The following GRIK1 variants were observed in gnomAD, a reference collection of about 807,000 sequenced individuals.
GRIK1 encodes glutamate receptor ionotropic, kainate 1.
Under a neutral mutation model 105.7 loss-of-function variants are expected in GRIK1, and 69 were observed. The ratio of observed to expected loss-of-function variants is 0.65; its 90% CI spans 0.54 to 0.80. The LOEUF is 0.80. Among genes scored for constraint, GRIK1 ranks in the 30% least tolerant of loss-of-function variants. The pLI is 0.00. For synonymous variants in GRIK1, 438 were observed against 431.3 expected, an observed-to-expected ratio of 1.02 and a Z score of -0.19; for missense variants, 1,109 against 1,167.3, an observed-to-expected ratio of 0.95 and a Z score of 0.73.
chr21:29,788,782 T>C (rs760810981), intron 1 of GRIK1, among the ~76,000 whole-genome samples: 21 of 152,208 alleles, frequency 1.4e-4, no homozygotes, highest in Non-Finnish European at 2.5e-4. Context: ...CAGTAGATTC[T>C]TACAGGAGCC....
intron 12 of GRIK1, among the ~76,000 whole-genome samples, chr21:29,585,974 C>T (rs1008155173): frequency 2.0e-5 from 3 of 152,270 alleles, no homozygotes; most frequent in South Asian, 2.1e-4. Context: ...CCCTGGACTC[C>T]GTCCACTTGA....
intron 1 of GRIK1, among the ~76,000 whole-genome samples, chr21:29,853,615 T>C (rs1025616437): frequency 1.3e-5 from 2 of 152,242 alleles, no homozygotes; most frequent in African/African-American, 4.8e-5. Context: ...AGGCCAACTA[T>C]GCTTTCCTCT....
At chr21:29,644,447 A>G (rs950189253) in intron 6 of GRIK1, among the ~76,000 whole-genome samples, 1 of 152,238 alleles carries the variant, frequency 6.6e-6, no homozygotes, top group South Asian at 2.1e-4. Flanking sequence ...CCTTAAAATG[A>G]CATTTATTTT....
chr21:29,577,567 A>G (rs527911065), intron 13 of GRIK1, among the ~76,000 whole-genome samples: 2 of 152,346 alleles, frequency 1.3e-5, no homozygotes, highest in African/African-American at 4.8e-5. Flanking sequence ...TAACTATGAA[A>G]ATATTTGAAA....
chr21:29,682,935 A>C (rs114424427), intron 3 of GRIK1, among the ~76,000 whole-genome samples: 2,574 of 152,056 alleles, frequency 0.017, 83 homozygotes, highest in African/African-American at 0.059. Context: ...TCAACAAACA[A>C]AAAAAAACCA....
At chr21:29,862,620 C>T (rs1215169136) in intron 1 of GRIK1, among the ~76,000 whole-genome samples, 2 of 152,164 alleles carry the variant, frequency 1.3e-5, no homozygotes, top group African/African-American at 4.8e-5. Flanking sequence ...CCTCATTTAT[C>T]ATGACATCTT....
intron 1 of GRIK1, among the ~76,000 whole-genome samples, chr21:29,862,005 G>T (rs1453709117): frequency 6.6e-6 from 1 of 152,028 alleles, no homozygotes; most frequent in Non-Finnish European, 1.5e-5. Flanking sequence ...TTTAATTTAT[G>T]TTTTTTAGAG....
chr21:29,665,063 C>T (rs1489951213), intron 4 of GRIK1, among the ~76,000 whole-genome samples: 4 of 152,196 alleles, frequency 2.6e-5, no homozygotes, highest in South Asian at 2.1e-4. Flanking sequence ...TTGATATAAC[C>T]GGGATTAAGC....
At chr21:29,912,818 A>T (rs2070865719) in intron 1 of GRIK1, among the ~76,000 whole-genome samples, 1 of 152,076 alleles carries the variant, frequency 6.6e-6, no homozygotes, top group African/African-American at 2.4e-5. Flanking sequence ...GTATGTGAAG[A>T]GTTCATTCCC....
chr21:29,659,632 AT>A (rs2062922153), intron 4 of GRIK1, among the ~76,000 whole-genome samples: 1 of 152,150 alleles, frequency 6.6e-6, no homozygotes, highest in Non-Finnish European at 1.5e-5. Flanking sequence ...GCTTTATTTT[AT>A]TTGCAGTAAA....
At chr21:29,633,368 G>A (rs531687563) in intron 7 of GRIK1, among the ~76,000 whole-genome samples, 5 of 152,184 alleles carry the variant, frequency 3.3e-5, no homozygotes, top group Admixed American at 1.3e-4. Flanking sequence ...GCGTGGTGGC[G>A]CACGCCTGTA....
intron 1 of GRIK1, among the ~76,000 whole-genome samples, chr21:29,907,287 T>C (rs1210431847): frequency 1.3e-5 from 2 of 152,232 alleles, no homozygotes; most frequent in South Asian, 2.1e-4. Context: ...TTTTGGTTAA[T>C]GTTGCAAATT....
chr21:29,716,079 C>G (rs1034839670), intron 1 of GRIK1, among the ~76,000 whole-genome samples: 2 of 151,998 alleles, frequency 1.3e-5, no homozygotes, highest in Non-Finnish European at 2.9e-5. Flanking sequence ...GACTCTTCCC[C>G]CTTTGCTTGG....
intron 1 of GRIK1, among the ~76,000 whole-genome samples, chr21:29,802,686 C>G (rs1425519583): frequency 1.3e-5 from 2 of 152,074 alleles, no homozygotes; most frequent in African/African-American, 4.8e-5. Context: ...ATGTCTATAC[C>G]AATCATAAAA....
intron 4 of GRIK1, among the ~76,000 whole-genome samples, chr21:29,659,894 G>A (rs940128967): frequency 3.3e-5 from 5 of 152,044 alleles, no homozygotes; most frequent in Non-Finnish European, 5.9e-5. Flanking sequence ...CCTGGTAGGC[G>A]GAGATTGTGG....
At chr21:29,587,677 C>G (rs1264086364) in intron 11 of GRIK1, 88 bp from the exon 12 acceptor site, 2 of 712,094 alleles carry the variant, frequency 2.8e-6, no homozygotes, top group African/African-American at 3.6e-5. Flanking sequence ...TTCTTATTCT[C>G]AACTCTAAAT....
chr21:29,782,437 T>G (rs1426552136), intron 1 of GRIK1, among the ~76,000 whole-genome samples: 1 of 152,136 alleles, frequency 6.6e-6, no homozygotes, highest in Non-Finnish European at 1.5e-5. Context: ...ATGGAGAAAG[T>G]TTATATTTAA....
intron 1 of GRIK1, among the ~76,000 whole-genome samples, chr21:29,841,932 A>T (rs1392831441): frequency 6.6e-6 from 1 of 152,104 alleles, no homozygotes; most frequent in Non-Finnish European, 1.5e-5. Context: ...AATACATTTG[A>T]CTGTTTCTCA....
intron 7 of GRIK1, among the ~76,000 whole-genome samples, chr21:29,613,625 A>G (rs363422): frequency 0.54 from 82,805 of 152,022 alleles, 25,894 homozygotes; most frequent in African/African-American, 0.87. Flanking sequence ...CACCACCCAT[A>G]TACAGGAAAT....
Sources: allele counts gnomAD v4.1 joint callset (sites outside exome capture counted in the v4.1 genomes callset), GRCh38; gene constraint gnomAD v4.1.1; transcripts MANE v1.5; gene names NCBI Gene and HGNC (gene_info 2026-07-23, HGNC 2026-07-21).